Variants in ROBO2 observed in about 807,000 individuals in gnomAD.
ROBO2 encodes roundabout guidance receptor 2.
A neutral mutation model predicts 160.8 loss-of-function variants in ROBO2; 53 were observed. The observed-to-expected ratio is 0.33, with a 90% CI of 0.26 to 0.41. The LOEUF is 0.41. Ranked by LOEUF, ROBO2 falls within the 10% of genes least tolerant of loss-of-function variation. ROBO2 has a pLI of 1.00. For missense variants in ROBO2, 1,577 were observed against 1,722.4 expected (o/e 0.92, Z 1.49); for synonymous variants, 664 against 611.7 (o/e 1.09, Z -1.26).
At chr3:76,918,348 G>A (rs553195670) in intron 2 of ROBO2, among the ~76,000 whole-genome samples, 45 of 152,200 alleles carry the variant, frequency 3.0e-4, no homozygotes, top group African/African-American at 1.1e-3. Flanking sequence ...CTGTGAAGAG[G>A]TGCCTTCTGC....
At chr3:77,074,583 T>A (rs1559953274) in intron 1 of ROBO2, among the ~76,000 whole-genome samples, 1 of 152,216 alleles carries the variant, frequency 6.6e-6, no homozygotes, top group Non-Finnish European at 1.5e-5. Context: ...TAGTTCAATT[T>A]AGAAAAAGTT....
intron 2 of ROBO2, among the ~76,000 whole-genome samples, chr3:76,861,523 T>C (rs574633102): frequency 6.6e-6 from 1 of 152,300 alleles, no homozygotes; most frequent in East Asian, 1.9e-4. Context: ...TCCCTAGAGT[T>C]CTGTTCTTTG....
At chr3:77,200,291 A>G (rs1394359961) in intron 2 of ROBO2, among the ~76,000 whole-genome samples, 1 of 65,208 alleles carries the variant, frequency 1.5e-5, no homozygotes, top group Non-Finnish European at 2.9e-5. Flanking sequence ...ATATATATAT[A>G]TATATATATA....
chr3:76,058,814 A>C (rs2067957463), intron 2 of ROBO2, among the ~76,000 whole-genome samples: 4 of 73,368 alleles, frequency 5.5e-5, no homozygotes, highest in South Asian at 6.0e-4. Flanking sequence ...CCCACCCCAC[A>C]ACAGGCCCCA....
At chr3:76,260,401 C>T (rs992147573) in intron 2 of ROBO2, among the ~76,000 whole-genome samples, 18 of 152,004 alleles carry the variant, frequency 1.2e-4, no homozygotes, top group Admixed American at 2.0e-4. Flanking sequence ...CTACAATGAT[C>T]GGTGATATTA....
chr3:75,943,824 C>T (rs1948160929), intron 2 of ROBO2, among the ~76,000 whole-genome samples: 1 of 151,898 alleles, frequency 6.6e-6, no homozygotes, highest in South Asian at 2.1e-4. Flanking sequence ...CCTCAGGCTC[C>T]CGAGTAGCTG....
At chr3:77,025,740 T>C (rs1283652188) in intron 2 of ROBO2, among the ~76,000 whole-genome samples, 1 of 152,198 alleles carries the variant, frequency 6.6e-6, no homozygotes, top group Non-Finnish European at 1.5e-5. Flanking sequence ...TTTGGGGAAT[T>C]ACACGTGCAA....
At chr3:76,869,340 ATG>A (rs1491365839) in intron 2 of ROBO2, among the ~76,000 whole-genome samples, 39 of 108,146 alleles carry the variant, frequency 3.6e-4, no homozygotes, top group East Asian at 3.0e-3. Context: ...GTAGAAATTG[ATG>A]TTTTTTTTTT....
intron 2 of ROBO2, among the ~76,000 whole-genome samples, chr3:76,798,140 G>GAGAA (rs146844266): frequency 0.21 from 23,823 of 115,368 alleles, 2,830 homozygotes; most frequent in Non-Finnish European, 0.26. Context: ...AAAGAAGAAA[G>GAGAA]AGAAAGAAAG....
At chr3:76,699,788 T>A (rs2093009101) in intron 2 of ROBO2, among the ~76,000 whole-genome samples, 1 of 152,178 alleles carries the variant, frequency 6.6e-6, no homozygotes, top group Non-Finnish European at 1.5e-5. Flanking sequence ...TCTGTAACTT[T>A]GCAGCTAACA....
chr3:76,387,868 T>C (rs1188817679), intron 2 of ROBO2, among the ~76,000 whole-genome samples: 4 of 152,212 alleles, frequency 2.6e-5, no homozygotes, highest in East Asian at 1.9e-4. Flanking sequence ...GGTTGTTGCA[T>C]TTCTTCCAAT....
intron 2 of ROBO2, among the ~76,000 whole-genome samples, chr3:76,883,218 T>C (rs2073537015): frequency 6.6e-6 from 1 of 152,176 alleles, no homozygotes; most frequent in Non-Finnish European, 1.5e-5. Context: ...AAATCCTCAT[T>C]GGAAAATTCT....
intron 2 of ROBO2, among the ~76,000 whole-genome samples, chr3:76,043,616 C>T (rs1322072556): frequency 5.4e-5 from 4 of 73,646 alleles, no homozygotes; most frequent in Non-Finnish European, 7.5e-5. Flanking sequence ...AATTCTTCAT[C>T]GTCCAAAAAA....
chr3:76,458,418 C>T (rs757880386), intron 2 of ROBO2, among the ~76,000 whole-genome samples: 4 of 152,158 alleles, frequency 2.6e-5, no homozygotes, highest in Non-Finnish European at 5.9e-5. Flanking sequence ...CAGCCTGGAC[C>T]TTATTGTCCA....
chr3:76,371,980 A>C (rs897340883), intron 2 of ROBO2, among the ~76,000 whole-genome samples: 2 of 151,828 alleles, frequency 1.3e-5, no homozygotes, highest in African/African-American at 4.8e-5. Context: ...GTGTTCCCCT[A>C]CTTGATCTAC....
intron 2 of ROBO2, among the ~76,000 whole-genome samples, chr3:77,146,758 GGAGTTCAA>G (rs2077149803): frequency 6.6e-6 from 1 of 152,134 alleles, no homozygotes; most frequent in Non-Finnish European, 1.5e-5. Context: ...ACTGAGATGA[GGAGTTCAA>G]GACCAGCCTG....
intron 6 of ROBO2, among the ~76,000 whole-genome samples, chr3:77,531,274 A>C: frequency 6.6e-6 from 1 of 151,944 alleles, no homozygotes; most frequent in Middle Eastern, 3.4e-3. Context: ...TTTTGATGGA[A>C]GAATGTAATT....
chr3:76,541,061 G>A (rs3849505), intron 2 of ROBO2, among the ~76,000 whole-genome samples: 9,672 of 152,210 alleles, frequency 0.064, 427 homozygotes, highest in African/African-American at 0.13. Flanking sequence ...CGGCCTCCCA[G>A]AATGCTGTGA....
chr3:76,602,814 A>C (rs2108966867), intron 2 of ROBO2, among the ~76,000 whole-genome samples: 1 of 152,156 alleles, frequency 6.6e-6, no homozygotes, highest in African/African-American at 2.4e-5. Flanking sequence ...GGTGGGAGTT[A>C]CAATTCAAGA....
Sources: gnomAD v4.1 joint callset for allele counts (sites outside exome capture counted in the v4.1 genomes callset) on GRCh38, gnomAD v4.1.1 for gene constraint, MANE v1.5 for transcripts, NCBI Gene and HGNC (gene_info 2026-07-23, HGNC 2026-07-21) for gene names.